The following ITGBL1 variants were observed in gnomAD, a reference collection of about 807,000 sequenced individuals.
ITGBL1 encodes the protein integrin beta-like protein 1.
In ITGBL1, 51 loss-of-function variants were observed where a neutral mutation model predicts 68.5. That is an observed-to-expected ratio of 0.74 (90% confidence interval 0.59 to 0.94). ITGBL1 has a LOEUF of 0.94. Among genes scored for constraint, ITGBL1 ranks in the 40% least tolerant of loss-of-function variants. The probability of loss-of-function intolerance (pLI) is 0.00; values close to 1 mark genes in which losing one functional copy is unlikely to be tolerated. For synonymous variants in ITGBL1, 209 were observed against 227.3 expected (o/e 0.92, Z 0.72); for missense variants, 649 against 647.4 (o/e 1.00, Z -0.03).
At chr13:101,657,388 A>G (rs8000425) in intron 7 of ITGBL1, among the ~76,000 whole-genome samples, 46,455 of 151,992 alleles carry the variant, frequency 0.31, 7,429 homozygotes, top group Admixed American at 0.36. Flanking sequence ...CTTTAGGTAA[A>G]CGGTCTGATG....
At chr13:101,510,384 C>T (rs933477088) in intron 2 of ITGBL1, among the ~76,000 whole-genome samples, 1 of 151,960 alleles carries the variant, frequency 6.6e-6, no homozygotes, top group Non-Finnish European at 1.5e-5. Context: ...TATATATGTA[C>T]CATATTTTCT....
chr13:101,604,551 T>A (rs2030576572), intron 7 of ITGBL1, among the ~76,000 whole-genome samples: 1 of 151,464 alleles, frequency 6.6e-6, no homozygotes, highest in Non-Finnish European at 1.5e-5. Flanking sequence ...AACCAAGAAT[T>A]TATGACAGCC....
intron 8 of ITGBL1, among the ~76,000 whole-genome samples, chr13:101,703,715 T>A (rs1025783448): frequency 6.6e-6 from 1 of 152,072 alleles, no homozygotes; most frequent in Admixed American, 6.5e-5. Flanking sequence ...CATGAACTGG[T>A]TGATTGAAAG....
intron 2 of ITGBL1, among the ~76,000 whole-genome samples, chr13:101,554,275 A>G (rs1301077776): frequency 6.6e-6 from 1 of 152,156 alleles, no homozygotes; most frequent in African/African-American, 2.4e-5. Flanking sequence ...TCCACTGATG[A>G]CAGAATGTTA....
chr13:101,464,944 G>A (rs559354179), intron 2 of ITGBL1, among the ~76,000 whole-genome samples: 2 of 152,308 alleles, frequency 1.3e-5, no homozygotes, highest in African/African-American at 4.8e-5. Flanking sequence ...TGCCACATGT[G>A]TAAACCTGCT....
chr13:101,530,502 T>A (rs2049454994), intron 2 of ITGBL1, among the ~76,000 whole-genome samples: 1 of 152,224 alleles, frequency 6.6e-6, no homozygotes, highest in Non-Finnish European at 1.5e-5. Flanking sequence ...CTTTTGCCAC[T>A]GTCTTCTAGT....
intron 6 of ITGBL1, among the ~76,000 whole-genome samples, chr13:101,592,827 A>C (rs527343709): frequency 1.3e-5 from 2 of 152,224 alleles, no homozygotes; most frequent in South Asian, 4.1e-4. Flanking sequence ...CAAAATTACT[A>C]GAAGAAAACA....
chr13:101,471,566 G>A (rs1337332633), intron 2 of ITGBL1, among the ~76,000 whole-genome samples: 4 of 141,738 alleles, frequency 2.8e-5, no homozygotes, highest in African/African-American at 7.9e-5. Flanking sequence ...GTGTGTGTGT[G>A]TGTATATATA....
chr13:101,612,316 T>C (rs917357786), intron 7 of ITGBL1, among the ~76,000 whole-genome samples: 3 of 152,186 alleles, frequency 2.0e-5, no homozygotes, highest in African/African-American at 7.2e-5. Flanking sequence ...TAAAGTCCTT[T>C]ATAAAGATGT....
chr13:101,635,950 G>A (rs752278326), intron 7 of ITGBL1, among the ~76,000 whole-genome samples: 1 of 151,914 alleles, frequency 6.6e-6, no homozygotes, highest in Non-Finnish European at 1.5e-5. Context: ...ACCTAACCAA[G>A]TTATGTCTGT....
chr13:101,674,321 C>T (rs1014381272), intron 7 of ITGBL1, among the ~76,000 whole-genome samples: 1 of 152,172 alleles, frequency 6.6e-6, no homozygotes, highest in Admixed American at 6.5e-5. Context: ...CCTCACTTTA[C>T]CTTTAAAAAC....
chr13:101,502,127 A>G (rs956770215), intron 2 of ITGBL1, among the ~76,000 whole-genome samples: 1 of 152,242 alleles, frequency 6.6e-6, no homozygotes, highest in Non-Finnish European at 1.5e-5. Context: ...ACACACTTAA[A>G]AAAAACAACT....
In ITGBL1 at chr13:101,611,429, T is replaced by C. The variant is rs182605125; in HGVS notation, c.1015+13130T>C. The stretch of plus-strand genomic sequence containing the variant: ...TGAGAAAACAAGCACAAATCCAAAA[T>C]TGTTTTATTCGAAGGCATTTATATC... On this transcript the variant is annotated intron_variant, in intron 7 of 10. Transcript: ENST00000376180. 2.9e-4 allele frequency among the ~76,000 whole-genome samples: 44 copies of C among 152,282 alleles called. 1 individual carries two copies. Among genetic ancestry groups the C allele is most frequent in the African/African-American group, 9.4e-4 (39 of 41,554 alleles).
intron 7 of ITGBL1, among the ~76,000 whole-genome samples, chr13:101,656,526 G>GT (rs1189034641): frequency 1.3e-5 from 2 of 152,282 alleles, no homozygotes; most frequent in Non-Finnish European, 2.9e-5. Context: ...AGAATTTATG[G>GT]TTTGTAGGGC....
intron 7 of ITGBL1, among the ~76,000 whole-genome samples, chr13:101,631,588 T>C (rs1050020191): frequency 1.6e-4 from 24 of 152,172 alleles, no homozygotes; most frequent in Non-Finnish European, 2.9e-4. Flanking sequence ...TACTAAAAGA[T>C]GTCAAATGAG....
At chr13:101,685,681 G>C (rs1473504510) in intron 7 of ITGBL1, among the ~76,000 whole-genome samples, 2 of 152,042 alleles carry the variant, frequency 1.3e-5, no homozygotes, top group African/African-American at 4.8e-5. Context: ...CTTCTCAGGG[G>C]ATGACTCTAG....
chr13:101,482,923 G>A (rs895529076), intron 2 of ITGBL1, among the ~76,000 whole-genome samples: 12 of 152,118 alleles, frequency 7.9e-5, no homozygotes, highest in African/African-American at 2.4e-4. Flanking sequence ...TCATACTCAC[G>A]GCATCAGAGA....
intron 7 of ITGBL1, among the ~76,000 whole-genome samples, chr13:101,627,792 T>C (rs1454185586): frequency 1.3e-5 from 2 of 152,210 alleles, no homozygotes; most frequent in Non-Finnish European, 2.9e-5. Flanking sequence ...CACTTCTTTT[T>C]ATTGCTGAGT....
chr13:101,692,462 A>G (rs551141024), intron 7 of ITGBL1, 123 bp from the exon 8 acceptor site: 9 of 680,288 alleles, frequency 1.3e-5, no homozygotes, highest in South Asian at 7.2e-5. Context: ...TTGTGTAACT[A>G]TTATCAGGCA....
Sources: gnomAD v4.1 joint callset for allele counts (sites outside exome capture counted in the v4.1 genomes callset) on GRCh38, gnomAD v4.1.1 for gene constraint, MANE v1.5 for transcripts, NCBI Gene and HGNC (gene_info 2026-07-23, HGNC 2026-07-21) for gene names.